Variants in CBFA2T3 observed in about 807,000 individuals in gnomAD.
The protein encoded by CBFA2T3 is transcriptional corepressor CBFA2T3.
Under a neutral mutation model 58.6 loss-of-function variants are expected in CBFA2T3, and 31 were observed. The observed-to-expected ratio is 0.53, with a 90% CI of 0.40 to 0.71. CBFA2T3 has a LOEUF of 0.71. Among genes scored for constraint, CBFA2T3 ranks in the 30% least tolerant of loss-of-function variants. The pLI, the probability that CBFA2T3 is intolerant of heterozygous loss-of-function variation, is 0.00. For synonymous variants in CBFA2T3, 531 were observed against 421.9 expected, an observed-to-expected ratio of 1.26 and a Z score of -3.17; for missense variants, 1,076 against 963.1, an observed-to-expected ratio of 1.12 and a Z score of -1.55.
chr16:88,881,286 C>A lies in CBFA2T3; in HGVS notation c.1402+5G>T, dbSNP rs182111221. On this transcript the variant is annotated splice_donor_5th_base_variant and intron_variant, in intron 9 of 11. Coordinates refer to ENST00000268679, the MANE Select transcript of CBFA2T3 (RefSeq NM_005187.6). ...CTGCTCCCTCCCCCCACACCCCACA[C>A]GCACCTAGCTGAGGCCCTTCGGGAC... The A allele has an allele frequency of 3.1e-6, 5 of 1,594,192 alleles. No individual in the cohort carries two copies. Among genetic ancestry groups the A allele is most frequent in the South Asian group, 1.1e-5 (1 of 89,266 alleles).
intron 3 of CBFA2T3, 35 bp downstream of exon 3, chr16:88,898,043 C>G (rs1567590452): frequency 6.6e-7 from 1 of 1,524,598 alleles, no homozygotes; most frequent in Middle Eastern, 1.7e-4. Flanking sequence ...GTGAAGACCT[C>G]TGGGGAGGCC....
chr16:88,913,028 A>C (rs555205019), intron 1 of CBFA2T3, among the ~76,000 whole-genome samples: 1 of 152,244 alleles, frequency 6.6e-6, no homozygotes, highest in Non-Finnish European at 1.5e-5. Flanking sequence ...CCACCCTGCC[A>C]AAGCCCCTGC....
chr16:88,970,035 G>A (rs934167566), intron 1 of CBFA2T3, among the ~76,000 whole-genome samples: 2 of 152,130 alleles, frequency 1.3e-5, no homozygotes, highest in African/African-American at 4.8e-5. Flanking sequence ...AGGAGTCCTC[G>A]TCTCCACAAA....
At chr16:88,929,135 G>C (rs1374730436) in intron 1 of CBFA2T3, among the ~76,000 whole-genome samples, 1 of 152,226 alleles carries the variant, frequency 6.6e-6, no homozygotes, top group Non-Finnish European at 1.5e-5. Flanking sequence ...TACAGAATCT[G>C]GCACAAGTCA....
intron 1 of CBFA2T3, among the ~76,000 whole-genome samples, chr16:88,961,829 C>T (rs1437150215): frequency 7.3e-6 from 1 of 137,020 alleles, no homozygotes; most frequent in Admixed American, 7.1e-5. Context: ...GCATAGTAAC[C>T]GACACTCAGC....
At chr16:88,891,632 A>C (rs1014696698) in intron 5 of CBFA2T3, among the ~76,000 whole-genome samples, 3 of 152,170 alleles carry the variant, frequency 2.0e-5, no homozygotes, top group African/African-American at 7.2e-5. Context: ...GCTGATAATC[A>C]TCCGGTCTGG....
chr16:88,933,959 C>T (rs920360167), intron 1 of CBFA2T3, among the ~76,000 whole-genome samples: 1 of 151,772 alleles, frequency 6.6e-6, no homozygotes, highest in Non-Finnish European at 1.5e-5. Flanking sequence ...AAAAAAAATA[C>T]CTCAGTCGCT....
At position 88,891,769 on chromosome 16, in the gene CBFA2T3, C is replaced by A. The variant is rs1004737993; in HGVS notation, c.711+113G>T. 8.4e-6 allele frequency: 6 copies of A among 715,536 alleles called. No individual in the cohort carries two copies. The African/African-American group carries it at 1.1e-4, about 13-fold the overall frequency. 44.3% of individuals were successfully genotyped at this position (715,536 alleles called of 1,614,324 possible). A position where few individuals can be genotyped will look rare whatever the true frequency, so the allele number is the denominator to read the frequency against. On this transcript the variant is annotated intron_variant, in intron 5 of 11. Coordinates refer to ENST00000268679, the MANE Select transcript of CBFA2T3 (RefSeq NM_005187.6). ...CACACCTCTTCATCCACCTGCCTAT[C>A]TGGCCACTTAAGCCCCTTCCCGCCT...
intron 1 of CBFA2T3, among the ~76,000 whole-genome samples, chr16:88,954,572 C>G (rs1972168257): frequency 2.9e-5 from 2 of 68,222 alleles, no homozygotes; most frequent in Admixed American, 2.2e-4. Flanking sequence ...CTGACCCTAC[C>G]CAAGGCTCCT....
chr16:88,881,293 A>T lies in CBFA2T3; in HGVS notation c.1400T>A (p.Leu467Gln). The stretch of plus-strand genomic sequence containing the variant: ...CTCCCCCCACACCCCACACGCACCT[A>T]GCTGAGGCCCTTCGGGACCGGCGGA... ...SSSAGPEGPQ[L>Q]DVPREFLPRT... Residue 467 changes from leucine to glutamine, a missense_variant and splice_region_variant, in exon 9 of 12, where the codon CTA becomes CAA. Coordinates refer to ENST00000268679, the MANE Select transcript of CBFA2T3 (RefSeq NM_005187.6). 1.9e-6 allele frequency: 3 copies of T among 1,592,474 alleles called. No individual in the cohort carries two copies. Among genetic ancestry groups the T allele is most frequent in the Non-Finnish European group, 2.6e-6 (3 of 1,170,770 alleles).
intron 1 of CBFA2T3, among the ~76,000 whole-genome samples, chr16:88,925,727 C>T (rs112218024): frequency 0.025 from 3,825 of 152,226 alleles, 154 homozygotes; most frequent in African/African-American, 0.089. Flanking sequence ...CCCGACTGCC[C>T]GCCGGGAGCC....
chr16:88,927,285 G>T (rs1472149744), intron 1 of CBFA2T3, among the ~76,000 whole-genome samples: 2 of 152,224 alleles, frequency 1.3e-5, no homozygotes, highest in Admixed American at 6.5e-5. Flanking sequence ...CTGCCCTCGG[G>T]TGCATGGACT....
intron 3 of CBFA2T3, among the ~76,000 whole-genome samples, chr16:88,895,959 G>T (rs2142609156): frequency 6.6e-6 from 1 of 152,312 alleles, no homozygotes; most frequent in South Asian, 2.1e-4. Context: ...AGGGACCAGA[G>T]GACAGCATGG....
intron 1 of CBFA2T3, among the ~76,000 whole-genome samples, chr16:88,969,858 G>A (rs945295982): frequency 1.3e-5 from 2 of 152,122 alleles, no homozygotes; most frequent in Non-Finnish European, 1.5e-5. Flanking sequence ...CAGAGCCCCC[G>A]ATCTTCTGCA....
At chr16:88,900,819 C>T (rs1199255651) in intron 2 of CBFA2T3, among the ~76,000 whole-genome samples, 1 of 152,270 alleles carries the variant, frequency 6.6e-6, no homozygotes, top group Non-Finnish European at 1.5e-5. Flanking sequence ...TGAGAACTGG[C>T]TGTTCCCTGC....
intron 1 of CBFA2T3, among the ~76,000 whole-genome samples, chr16:88,926,712 A>G (rs1219759276): frequency 6.6e-6 from 1 of 152,184 alleles, no homozygotes; most frequent in Non-Finnish European, 1.5e-5. Flanking sequence ...GGGCCTGCTG[A>G]GCCTCAGTTT....
chr16:88,973,135 G>A (rs1202367555), intron 1 of CBFA2T3, among the ~76,000 whole-genome samples: 2 of 152,146 alleles, frequency 1.3e-5, no homozygotes, highest in African/African-American at 4.8e-5. Flanking sequence ...CTCCCACCGC[G>A]CCCCCTTGAT....
At position 88,890,785 on chromosome 16, in the gene CBFA2T3, C is replaced by A. The variant is rs1367647422; in HGVS notation, c.711+1097G>T. Reference sequence around the variant, plus strand: ...AGGCTGGAGTGCAGTGGCGTGATCACAGCTCACTGCAGTCTCGACCTCCTG... The same window carrying A: ...AGGCTGGAGTGCAGTGGCGTGATCAAAGCTCACTGCAGTCTCGACCTCCTG... On this transcript the variant is annotated intron_variant, in intron 5 of 11. Coordinates refer to ENST00000268679, the MANE Select transcript of CBFA2T3 (RefSeq NM_005187.6). 1.2e-4 allele frequency among the ~76,000 whole-genome samples: 18 copies of A among 152,298 alleles called. No individual in the cohort carries two copies. In the East Asian group the frequency reaches 3.1e-3, roughly 26 times the overall value.
At chr16:88,959,828 C>G (rs1972316592) in intron 1 of CBFA2T3, among the ~76,000 whole-genome samples, 1 of 152,108 alleles carries the variant, frequency 6.6e-6, no homozygotes, top group South Asian at 2.1e-4. Context: ...GAGTTCGAGA[C>G]CAGCCTAGCC....
Sources: gnomAD v4.1 joint callset for allele counts (sites outside exome capture counted in the v4.1 genomes callset) on GRCh38, gnomAD v4.1.1 for gene constraint, MANE v1.5 for transcripts, NCBI Gene and HGNC (gene_info 2026-07-23, HGNC 2026-07-21) for gene names.